PCDHGA10: variants seen among roughly 807,000 people sequenced by gnomAD.
PCDHGA10 encodes the protein protocadherin gamma-A10.
Under a neutral mutation model 59.5 loss-of-function variants are expected in PCDHGA10, and 42 were observed. That is an observed-to-expected ratio of 0.71 (90% CI 0.55 to 0.91). The LOEUF is 0.91. Ranked by LOEUF, PCDHGA10 falls within the 40% of genes least tolerant of loss-of-function variation. PCDHGA10 has a pLI of 0.00. For synonymous variants in PCDHGA10, 511 were observed against 517.2 expected (o/e 0.99, Z 0.16); for missense variants, 1,111 against 1,198.2 (o/e 0.93, Z 1.07).
Position 141,493,360 on chromosome 5 carries a change from G to T in PCDHGA10, c.2437-1447G>T, listed in dbSNP as rs1364095483. Reference sequence around the variant, plus strand: ...CAGAATGTGTGCTTTTAATTTCTTGGCACTTGGAACTTTAAAAGCTTGAGG... The same window carrying T: ...CAGAATGTGTGCTTTTAATTTCTTGTCACTTGGAACTTTAAAAGCTTGAGG... On this transcript the variant is annotated intron_variant, in intron 1 of 3. Transcript: ENST00000398610. This position sits in a 1 kb window ranked among gnomAD's most constrained non-coding sequence, Gnocchi z 4.3. Among the ~76,000 whole-genome samples the T allele has an allele frequency of 6.6e-6, 1 of 152,144 alleles. No individual in the cohort carries two copies. The highest frequency in any genetic ancestry group is 1.5e-5 in the Non-Finnish European group (1 of 68,022).
rs1457099502 is a variant in PCDHGA10 at position 141,477,430 on chromosome 5, A to G, written c.2437-17377A>G. The G allele has an allele frequency of 1.2e-6, 2 of 1,614,162 alleles. No individual in the cohort carries two copies. The highest frequency in any genetic ancestry group is 1.7e-6 in the Non-Finnish European group (2 of 1,180,020). Reference sequence around the variant, plus strand: ...GAGACGCCGGAACCCCTTCCCTCTCAGCCCTTACAATAGTGCGTGTTCAAG... The same window carrying G: ...GAGACGCCGGAACCCCTTCCCTCTCGGCCCTTACAATAGTGCGTGTTCAAG... On this transcript the variant is annotated intron_variant, in intron 1 of 3. Transcript: ENST00000398610. This position sits in a 1 kb window ranked among gnomAD's most constrained non-coding sequence, Gnocchi z 4.9.
Position 141,490,004 on chromosome 5 carries a change from C to T in PCDHGA10, c.2437-4803C>T. On this transcript the variant is annotated intron_variant, in intron 1 of 3. Coordinates refer to ENST00000398610, the MANE Select transcript of PCDHGA10 (RefSeq NM_018913.3). This position sits in a 1 kb window ranked among gnomAD's most constrained non-coding sequence, Gnocchi z 5.4. ...CTACGTGTGGGAATCCCAGAGAATG[C>T]ACCCATTGGTACTCTGCTGCTCCGC... The T allele has an allele frequency of 1.9e-6, 3 of 1,614,174 alleles. No individual in the cohort carries two copies. Among genetic ancestry groups the T allele is most frequent in the Non-Finnish European group, 2.5e-6 (3 of 1,179,980 alleles).
chr5:141,479,636 CA>C (rs1397283180), intron 1 of PCDHGA10: 1 of 152,080 alleles, frequency 6.6e-6, no homozygotes, highest in African/African-American at 2.4e-5. Flanking sequence ...TTAACAATAA[CA>C]ACAACAACAA....
chr5:141,476,978 C>A lies in PCDHGA10; in HGVS notation c.2437-17829C>A, dbSNP rs1468851988. The A allele has an allele frequency of 2.5e-6, 4 of 1,614,138 alleles. No individual in the cohort carries two copies. Among genetic ancestry groups the A allele is most frequent in the Admixed American group, 3.3e-5 (2 of 60,012 alleles). On this transcript the variant is annotated intron_variant, in intron 1 of 3. Transcript: ENST00000398610. This position sits in a 1 kb window ranked among gnomAD's most constrained non-coding sequence, Gnocchi z 7.6. ...TATTTACTCCTTCGGCAGCCACAAC[C>A]GCGCCGGCGTGCGGCAACTATTCGC...
chr5:141,506,253 G>A (rs1332023284), intron 3 of PCDHGA10, among the ~76,000 whole-genome samples: 2 of 151,862 alleles, frequency 1.3e-5, no homozygotes, highest in Non-Finnish European at 2.9e-5. Flanking sequence ...GTTCGAAACC[G>A]GCCTGGCCAA....
chr5:141,419,738 C>T (rs745596534), intron 1 of PCDHGA10: 2 of 1,613,796 alleles, frequency 1.2e-6, no homozygotes, highest in Non-Finnish European at 1.7e-6. Flanking sequence ...AGGCGAGGTG[C>T]GCATGGTGCG....
At chr5:141,463,653 G>T (rs1378583183) in intron 1 of PCDHGA10, among the ~76,000 whole-genome samples, 1 of 151,764 alleles carries the variant, frequency 6.6e-6, no homozygotes. Context: ...GGGTTTCACC[G>T]TGTTAGCCAG....
Position 141,485,400 on chromosome 5 carries a change from G to A in PCDHGA10, c.2437-9407G>A. On this transcript the variant is annotated intron_variant, in intron 1 of 3. Transcript: ENST00000398610. The surrounding 1 kb of genome is among the most constrained non-coding windows in gnomAD (Gnocchi z 5.7). ...GGAGAGGTGAACCAAAGACACTTCC[G>A]TGTGGATTTGGACAGCGGAGCCCTG... is the stretch of plus-strand genomic sequence containing the variant. The A allele has an allele frequency of 6.2e-7, 1 of 1,614,076 alleles. No homozygotes were observed. The highest frequency in any genetic ancestry group is 8.5e-7 in the Non-Finnish European group (1 of 1,179,948).
At chr5:141,436,074 G>A (rs1048063491) in intron 1 of PCDHGA10, among the ~76,000 whole-genome samples, 3 of 152,058 alleles carry the variant, frequency 2.0e-5, no homozygotes, top group Non-Finnish European at 4.4e-5. Context: ...TAAGTACAGT[G>A]TTCTATAGGT....
intron 1 of PCDHGA10, among the ~76,000 whole-genome samples, chr5:141,468,246 A>G (rs2099161183): frequency 6.7e-6 from 1 of 149,754 alleles, no homozygotes; most frequent in South Asian, 2.1e-4. Context: ...AATTGCCTGA[A>G]CCTGGGAGGC....
chr5:141,439,443 G>A (rs867907022), intron 1 of PCDHGA10, among the ~76,000 whole-genome samples: 1 of 152,164 alleles, frequency 6.6e-6, no homozygotes, highest in Non-Finnish European at 1.5e-5. Flanking sequence ...ATATTTTATT[G>A]CGGGAGCAAG....
chr5:141,431,227 C>G lies in PCDHGA10; in HGVS notation c.2436+15616C>G. ...CTGAGATGCGGTTCCCTCTACCCCA[C>G]GCCTGGGATCCGGATATCGGGAAGA... On this transcript the variant is annotated intron_variant, in intron 1 of 3. Coordinates refer to ENST00000398610, the MANE Select transcript of PCDHGA10 (RefSeq NM_018913.3). This position sits in a 1 kb window ranked among gnomAD's most constrained non-coding sequence, Gnocchi z 4.8. 6.2e-7 allele frequency: 1 copy of G among 1,614,180 alleles called. No individual in the cohort carries two copies. Among genetic ancestry groups the G allele is most frequent in the Non-Finnish European group, 8.5e-7 (1 of 1,180,042 alleles).
At chr5:141,497,742 T>C (rs2099779149) in intron 2 of PCDHGA10, among the ~76,000 whole-genome samples, 1 of 152,128 alleles carries the variant, frequency 6.6e-6, no homozygotes, top group South Asian at 2.1e-4. Context: ...TTTCGCCACG[T>C]TGGCCAGGCT....
chr5:141,421,586 T>A (rs750525078), intron 1 of PCDHGA10: 2 of 1,613,602 alleles, frequency 1.2e-6, no homozygotes, highest in Admixed American at 3.3e-5. Context: ...ATTTACGGAG[T>A]GGAGGTGGAA....
rs200524415 is a variant in PCDHGA10, at chr5:141,487,436, G to C, written c.2437-7371G>C. 1 of 1,614,176 alleles carries C rather than the reference G, an allele frequency of 6.2e-7. No individual in the cohort carries two copies. Among genetic ancestry groups the C allele is most frequent in the East Asian group, 2.2e-5 (1 of 44,870 alleles). ...CAATGGGATCCTCCGAATCCAGCTAGGGTCAGATGACCCTATCAAGTTTGT... is the reference window on the plus strand; with the variant it reads ...CAATGGGATCCTCCGAATCCAGCTACGGTCAGATGACCCTATCAAGTTTGT... On this transcript the variant is annotated intron_variant, in intron 1 of 3. Coordinates refer to ENST00000398610, the MANE Select transcript of PCDHGA10 (RefSeq NM_018913.3). This position sits in a 1 kb window ranked among gnomAD's most constrained non-coding sequence, Gnocchi z 5.0.
chr5:141,432,366 A>T lies in PCDHGA10; in HGVS notation c.2436+16755A>T. The T allele has an allele frequency of 6.2e-7, 1 of 1,614,204 alleles. No homozygotes were observed. Among genetic ancestry groups the T allele is most frequent in the Non-Finnish European group, 8.5e-7 (1 of 1,180,034 alleles). On this transcript the variant is annotated intron_variant, in intron 1 of 3. Coordinates refer to ENST00000398610, the MANE Select transcript of PCDHGA10 (RefSeq NM_018913.3). This position sits in a 1 kb window ranked among gnomAD's most constrained non-coding sequence, Gnocchi z 6.0. Reference sequence around the variant, plus strand: ...TTGCAAGTGAAAGTGATGGCGCGGGACAACGGGCACCCGCCCCTCAGCAGC... The same window carrying T: ...TTGCAAGTGAAAGTGATGGCGCGGGTCAACGGGCACCCGCCCCTCAGCAGC...
At position 141,489,559 on chromosome 5, in the gene PCDHGA10, C is replaced by A; in HGVS notation, c.2437-5248C>A. ...CAGCACCAGCTGCCTGCTGCCAGTG[C>A]AGGTGGTGACTGAACACCCCCTGGA... On this transcript the variant is annotated intron_variant, in intron 1 of 3. Coordinates refer to ENST00000398610, the MANE Select transcript of PCDHGA10 (RefSeq NM_018913.3). This position sits in a 1 kb window ranked among gnomAD's most constrained non-coding sequence, Gnocchi z 4.5. The A allele has an allele frequency of 6.2e-7, 1 of 1,614,078 alleles. No homozygotes were observed. The highest frequency in any genetic ancestry group is 8.5e-7 in the Non-Finnish European group (1 of 1,180,014).
intron 1 of PCDHGA10, among the ~76,000 whole-genome samples, chr5:141,438,591 CATATAT>C (rs946798767): frequency 1.2e-3 from 91 of 75,538 alleles, no homozygotes; most frequent in Non-Finnish European, 1.7e-3. Flanking sequence ...TACATACATA[CATATAT>C]ATATATATAT....
intron 2 of PCDHGA10, among the ~76,000 whole-genome samples, chr5:141,497,553 T>G (rs2099777684): frequency 6.6e-6 from 1 of 151,326 alleles, no homozygotes; most frequent in Non-Finnish European, 1.5e-5. Flanking sequence ...TTTTTTTTTT[T>G]TTTTTAGACA....
Sources: allele counts gnomAD v4.1 joint callset (sites outside exome capture counted in the v4.1 genomes callset), GRCh38; gene constraint gnomAD v4.1.1; non-coding constraint Gnocchi (gnomAD v3.1); transcripts MANE v1.5; gene names NCBI Gene and HGNC (gene_info 2026-07-23, HGNC 2026-07-21).